Variants in PCDHGA3 observed in about 807,000 individuals in gnomAD.
The protein encoded by PCDHGA3 is protocadherin gamma subfamily A, 3.
PCDHGA3 carries 40 observed loss-of-function variants against 58.5 expected under a neutral mutation model. That is an observed-to-expected ratio of 0.68 (90% CI 0.53 to 0.89). The LOEUF (loss-of-function observed/expected upper bound fraction) is 0.89. Among genes scored for constraint, PCDHGA3 ranks in the 40% least tolerant of loss-of-function variants. The pLI is 0.00. For missense variants in PCDHGA3, 1,223 were observed against 1,195.9 expected (o/e 1.02, Z -0.33); for synonymous variants, 530 against 525.7 (o/e 1.01, Z -0.11).
chr5:141,487,750 T>A lies in PCDHGA3; in HGVS notation c.2425-7057T>A, dbSNP rs2099664307. On this transcript the variant is annotated intron_variant, in intron 1 of 3. Coordinates refer to ENST00000253812, the MANE Select transcript of PCDHGA3 (RefSeq NM_018916.4). The surrounding 1 kb of genome is among the most constrained non-coding windows in gnomAD (Gnocchi z 5.0). Reference sequence around the variant, plus strand: ...TCACCATTTTTGTAAGAGGTAACTATGTGGTAGACGCTGTGCTTTGTAACT... The same window carrying A: ...TCACCATTTTTGTAAGAGGTAACTAAGTGGTAGACGCTGTGCTTTGTAACT... 1 of 1,555,392 alleles carries A rather than the reference T, an allele frequency of 6.4e-7. No homozygotes were observed. Among genetic ancestry groups the A allele is most frequent in the African/African-American group, 1.4e-5 (1 of 73,376 alleles).
At chr5:141,497,129 T>G (rs528066007) in intron 2 of PCDHGA3, among the ~76,000 whole-genome samples, 1 of 151,692 alleles carries the variant, frequency 6.6e-6, no homozygotes, top group Admixed American at 6.6e-5. Flanking sequence ...GAGGTTGCAG[T>G]GAGCTGAGAT....
In PCDHGA3 at chr5:141,344,704, G is replaced by A. The variant is rs756165760; in HGVS notation, c.671G>A (p.Gly224Asp). 23 of 1,613,810 alleles carry A rather than the reference G, an allele frequency of 1.4e-5. No homozygotes were observed. The highest frequency in any genetic ancestry group is 1.9e-5 in the Non-Finnish European group (23 of 1,179,904). ...GATGGTGGCGACCCTGTCCACTCTG[G>A]CAACTTGCACATCCAAGTGATAGTC... ...ASDGGDPVHS[G>D]NLHIQVIVLD... Residue 224 changes from glycine (G) to aspartate (D), a missense_variant, in exon 1 of 4, where the codon GGC becomes GAC. This residue lies in a region of PCDHGA3 where 791 missense variants were observed against 708.5 expected (regional missense o/e 1.12). Coordinates refer to ENST00000253812, the MANE Select transcript of PCDHGA3 (RefSeq NM_018916.4).
In PCDHGA3 at chr5:141,421,591, G is replaced by A. The variant is rs1273484124; in HGVS notation, c.2425-73216G>A. The A allele has an allele frequency of 1.9e-6, 3 of 1,613,756 alleles. No homozygotes were observed. In the Admixed American group the frequency reaches 5.0e-5, roughly 27 times the overall value. ...CACCTTGAAGATTTACGGAGTGGAG[G>A]TGGAAATAATAGATATTAATGATAA... is the stretch of plus-strand genomic sequence containing the variant. On this transcript the variant is annotated intron_variant, in intron 1 of 3. Transcript: ENST00000253812.
intron 1 of PCDHGA3, among the ~76,000 whole-genome samples, chr5:141,449,525 G>T (rs2098641561): frequency 6.7e-6 from 1 of 148,580 alleles, no homozygotes; most frequent in South Asian, 2.1e-4. Flanking sequence ...GGAGGCGGAG[G>T]TTGCAGTGAG....
At chr5:141,367,043 A>G (rs939220707) in intron 1 of PCDHGA3, 4 of 343,424 alleles carry the variant, frequency 1.2e-5, no homozygotes, top group African/African-American at 8.6e-5. Flanking sequence ...AGTTCTATTA[A>G]TAGAAAAGAT....
At chr5:141,355,413 G>A (rs1220592912) in intron 1 of PCDHGA3, 1 of 1,614,108 alleles carries the variant, frequency 6.2e-7, no homozygotes, top group East Asian at 2.2e-5. Context: ...CCAGAGGTAG[G>A]ACGCAGCTTT....
At chr5:141,390,051 A>G in intron 1 of PCDHGA3, 1 of 1,613,978 alleles carries the variant, frequency 6.2e-7, no homozygotes, top group Non-Finnish European at 8.5e-7. Context: ...CGCCTCCTGG[A>G]GCTGCTTCCA....
At chr5:141,504,986 AC>A (rs1225847397) in intron 2 of PCDHGA3, among the ~76,000 whole-genome samples, 4 of 151,936 alleles carry the variant, frequency 2.6e-5, no homozygotes, top group Non-Finnish European at 5.9e-5. Context: ...ACATGGTGAA[AC>A]CCCGTCTGTA....
At chr5:141,362,492 C>T (rs369530205) in intron 1 of PCDHGA3, 4 of 1,613,902 alleles carry the variant, frequency 2.5e-6, no homozygotes, top group East Asian at 2.2e-5. Flanking sequence ...GACAATGCCT[C>T]TTGGGAACAA....
intron 1 of PCDHGA3, chr5:141,475,816 C>A (rs1051857446): frequency 1.5e-5 from 5 of 342,872 alleles, no homozygotes; most frequent in Admixed American, 9.0e-5. Context: ...AGTGAAGTTC[C>A]TGGCGCTAGC....
At chr5:141,427,984 C>A (rs754620535) in intron 1 of PCDHGA3, 6 of 1,597,376 alleles carry the variant, frequency 3.8e-6, no homozygotes, top group Non-Finnish European at 4.3e-6. Flanking sequence ...GCGCTGGGGC[C>A]CGATGGCTCC....
At chr5:141,398,983 C>T (rs2093734558) in intron 1 of PCDHGA3, 1 of 1,613,944 alleles carries the variant, frequency 6.2e-7, no homozygotes. Context: ...CAGAACCGGG[C>T]AAATCTTTAG....
rs1333168918 is a variant in PCDHGA3, at chr5:141,375,648, A to G, written c.2424+29191A>G. On this transcript the variant is annotated intron_variant, in intron 1 of 3. Coordinates refer to ENST00000253812, the MANE Select transcript of PCDHGA3 (RefSeq NM_018916.4). The stretch of plus-strand genomic sequence containing the variant: ...CTGTACGCCCTGCGCTCCTTCGACT[A>G]TGAGCAGTTGAGAGACCTACAGCTG... 3.7e-6 allele frequency: 6 copies of G among 1,614,030 alleles called. No individual in the cohort carries two copies. The African/African-American group carries it at 6.7e-5, about 18-fold the overall frequency.
At chr5:141,372,559 C>T in intron 1 of PCDHGA3, 1 of 1,614,048 alleles carries the variant, frequency 6.2e-7, no homozygotes, top group Non-Finnish European at 8.5e-7. Context: ...TCCAGACCCG[C>T]CACTGAGGGC....
chr5:141,455,983 C>T (rs542017964), intron 1 of PCDHGA3, among the ~76,000 whole-genome samples: 23 of 151,546 alleles, frequency 1.5e-4, no homozygotes, highest in African/African-American at 5.1e-4. Context: ...CTGCAAGCTC[C>T]GCCTCTCGGG....
chr5:141,466,933 C>A (rs1305734739), intron 1 of PCDHGA3, among the ~76,000 whole-genome samples: 1 of 152,100 alleles, frequency 6.6e-6, no homozygotes, highest in Non-Finnish European at 1.5e-5. Context: ...GAATATTAGT[C>A]CTTTGTCCAG....
At chr5:141,469,233 C>T (rs2099194657) in intron 1 of PCDHGA3, among the ~76,000 whole-genome samples, 1 of 149,878 alleles carries the variant, frequency 6.7e-6, no homozygotes, top group African/African-American at 2.5e-5. Context: ...GCCATGATCA[C>T]CCCACTGCAC....
intron 1 of PCDHGA3, chr5:141,422,047 A>G: frequency 6.2e-7 from 1 of 1,611,610 alleles, no homozygotes; most frequent in Non-Finnish European, 8.5e-7. Context: ...AGACGAGGGA[A>G]TCAACGGGGA....
chr5:141,424,026 C>G, intron 1 of PCDHGA3: 1 of 1,041,918 alleles, frequency 9.6e-7, no homozygotes, highest in Non-Finnish European at 1.2e-6. Context: ...TTCACAAACA[C>G]TTTTTATTTC....
Sources: gnomAD v4.1 joint callset for allele counts (sites outside exome capture counted in the v4.1 genomes callset) on GRCh38, gnomAD v4.1.1 for gene constraint, gnomAD v4.1.1 regional missense constraint, Gnocchi (gnomAD v3.1) non-coding constraint, MANE v1.5 for transcripts, NCBI Gene and HGNC (gene_info 2026-07-23, HGNC 2026-07-21) for gene names.